The following ASTN1 variants were observed in gnomAD, a reference collection of about 807,000 sequenced individuals.
ASTN1 encodes astrotactin 1, also known as astrotactin-1.
ASTN1 carries 41 observed loss-of-function variants against 140.7 expected under a neutral mutation model. The observed-to-expected ratio is 0.29, with a 90% CI of 0.23 to 0.38. The LOEUF (loss-of-function observed/expected upper bound fraction) is 0.38. Among genes scored for constraint, ASTN1 ranks in the 10% least tolerant of loss-of-function variants. The pLI is 1.00. For synonymous variants in ASTN1, 640 were observed against 652.2 expected (o/e 0.98, Z 0.29); for missense variants, 1,479 against 1,678.8 (o/e 0.88, Z 2.08).
intron 1 of ASTN1, among the ~76,000 whole-genome samples, chr1:177,132,938 T>C (rs1682011056): frequency 6.6e-6 from 1 of 152,188 alleles, no homozygotes; most frequent in Non-Finnish European, 1.5e-5. Context: ...ATATTGGTGG[T>C]TTCCCTCTCC....
At chr1:177,011,383 G>A (rs1675281530) in intron 8 of ASTN1, among the ~76,000 whole-genome samples, 1 of 152,008 alleles carries the variant, frequency 6.6e-6, no homozygotes, top group South Asian at 2.1e-4. Flanking sequence ...AACTGTCTAC[G>A]TAGACTGTTA....
chr1:176,902,905 T>C (rs905634768), intron 16 of ASTN1, among the ~76,000 whole-genome samples: 1 of 152,158 alleles, frequency 6.6e-6, no homozygotes, highest in Non-Finnish European at 1.5e-5. Context: ...AAGAATTAAA[T>C]CCAAGAACTG....
intron 16 of ASTN1, among the ~76,000 whole-genome samples, chr1:176,920,137 G>A (rs914833754): frequency 6.6e-6 from 1 of 152,158 alleles, no homozygotes; most frequent in African/African-American, 2.4e-5. Context: ...TAAATGAGTG[G>A]AATGGTGCTC....
In ASTN1 at chr1:177,032,498, G is replaced by A. The variant is rs11587640; in HGVS notation, c.823C>T (p.Leu275=). The A allele has an allele frequency of 4.3e-6, 7 of 1,613,988 alleles. No homozygotes were observed. In the Admixed American group the frequency reaches 6.7e-5, roughly 15 times the overall value. Residue 275 remains leucine, a synonymous_variant, in exon 3 of 23, where the codon CTG becomes TTG. Transcript: ENST00000361833. ...ASQVTRTLDS[L]QGCNEKSGMD... The stretch of plus-strand genomic sequence containing the variant: ...CCCGACTTTTCATTGCAGCCCTGCA[G>A]GGAGTCGAGGGTGCGCGTGACCTGG...
At chr1:176,857,838 G>A (rs569077572), downstream of ASTN1, among the ~76,000 whole-genome samples, 5 of 152,274 alleles carry the variant, frequency 3.3e-5, no homozygotes, top group African/African-American at 1.2e-4. Flanking sequence ...GGCACATTCA[G>A]CCTTAGTTTT....
intron 20 of ASTN1, among the ~76,000 whole-genome samples, chr1:176,880,210 G>A (rs1668739037): frequency 6.6e-6 from 1 of 152,132 alleles, no homozygotes; most frequent in Non-Finnish European, 1.5e-5. Context: ...GTGTGAGTGC[G>A]CACCGACACA....
chr1:177,150,709 T>G (rs192999448), intron 1 of ASTN1, among the ~76,000 whole-genome samples: 2 of 152,158 alleles, frequency 1.3e-5, no homozygotes, highest in Non-Finnish European at 2.9e-5. Flanking sequence ...TAAAATGGAG[T>G]TATGAAGGCG....
chr1:176,962,791 AT>A (rs1419497454), intron 9 of ASTN1, among the ~76,000 whole-genome samples: 18 of 152,206 alleles, frequency 1.2e-4, no homozygotes, highest in Admixed American at 2.6e-4. Flanking sequence ...ATCATCGGTC[AT>A]TTTTAAAGCA....
chr1:176,886,020 A>G lies in ASTN1; in HGVS notation c.3075-1530T>C, dbSNP rs967490106. 5.9e-5 allele frequency among the ~76,000 whole-genome samples: 9 copies of G among 152,248 alleles called. No homozygotes were observed. The East Asian group carries it at 1.7e-3, about 29-fold the overall frequency. On this transcript the variant is annotated intron_variant, in intron 18 of 22. Coordinates refer to ENST00000361833, the MANE Select transcript of ASTN1 (RefSeq NM_004319.3). ...TGACAAATTCATTAATTAGAGTCAT[A>G]TGCAGAGTGCTGTTTTGAAAAAAAA...
chr1:177,033,257 G>A (rs1051542021), intron 2 of ASTN1, among the ~76,000 whole-genome samples: 1 of 151,868 alleles, frequency 6.6e-6, no homozygotes, highest in Non-Finnish European at 1.5e-5. Flanking sequence ...TTAGCAATAT[G>A]GGGTGACATC....
intron 1 of ASTN1, among the ~76,000 whole-genome samples, chr1:177,133,304 A>T (rs1220664790): frequency 1.3e-5 from 2 of 152,260 alleles, no homozygotes; most frequent in African/African-American, 2.4e-5. Flanking sequence ...AGTCACTCAC[A>T]GACTGAATTC....
At chr1:177,140,787 T>C (rs1371946968) in intron 1 of ASTN1, among the ~76,000 whole-genome samples, 1 of 152,232 alleles carries the variant, frequency 6.6e-6, no homozygotes, top group Non-Finnish European at 1.5e-5. Flanking sequence ...TTCTGAGACC[T>C]CATAGTCCTC....
At chr1:177,041,048 G>A (rs1676946388) in intron 2 of ASTN1, among the ~76,000 whole-genome samples, 2 of 152,200 alleles carry the variant, frequency 1.3e-5, no homozygotes, top group Admixed American at 1.3e-4. Flanking sequence ...AGTAGCTACA[G>A]TTACCTGTTG....
Position 177,116,783 on chromosome 1 carries a change from G to A in ASTN1, c.283+47611C>T, listed in dbSNP as rs548363278. ...AACACTCTGTTCCTTTGACTCATTT[G>A]ACCCTTGCTCTCCTAATTTTAATCC... On this transcript the variant is annotated intron_variant, in intron 1 of 22. Transcript: ENST00000361833. 3.1e-4 allele frequency among the ~76,000 whole-genome samples: 47 copies of A among 152,074 alleles called. 1 individual carries two copies. Among genetic ancestry groups the A allele is most frequent in the Non-Finnish European group, 5.9e-4 (40 of 68,024 alleles).
intron 1 of ASTN1, among the ~76,000 whole-genome samples, chr1:177,146,328 C>G (rs181750424): frequency 6.6e-6 from 1 of 152,284 alleles, no homozygotes; most frequent in Admixed American, 6.5e-5. Context: ...ATAGCCACCT[C>G]AGATAATTAT....
At chr1:177,002,408 CACACACACAT>C (rs774162358) in intron 8 of ASTN1, among the ~76,000 whole-genome samples, 89 of 117,482 alleles carry the variant, frequency 7.6e-4, no homozygotes, top group African/African-American at 3.8e-4. Context: ...CACACACACA[CACACACACAT>C]GAACAAATCA....
At chr1:177,017,404 G>A (rs1323603551) in intron 7 of ASTN1, among the ~76,000 whole-genome samples, 1 of 152,188 alleles carries the variant, frequency 6.6e-6, no homozygotes, top group East Asian at 1.9e-4. Flanking sequence ...CACAAAACCA[G>A]TTTGGCCATC....
At position 176,868,891 on chromosome 1, in the gene ASTN1, C is replaced by T. The variant is rs773495407; in HGVS notation, c.3600G>A (p.Glu1200=). The part of the protein sequence containing the change: ...RVLYHYNQHY[E]SFGEFTWRCE... ...ATCGCCAGGTGAATTCCCCAAAACT[C>T]TCATAGTGCTGGTTATAGTGGTAGA... Residue 1200 remains glutamate (E), a synonymous_variant, in exon 22 of 23, where the codon GAG becomes GAA. Coordinates refer to ENST00000361833, the MANE Select transcript of ASTN1 (RefSeq NM_004319.3). 1.9e-6 allele frequency: 3 copies of T among 1,609,986 alleles called. No individual in the cohort carries two copies. The highest frequency in any genetic ancestry group is 1.7e-5 in the Admixed American group (1 of 59,812).
At chr1:176,911,929 G>T (rs113360673) in intron 16 of ASTN1, among the ~76,000 whole-genome samples, 255 of 152,300 alleles carry the variant, frequency 1.7e-3, no homozygotes, top group African/African-American at 5.7e-3. Flanking sequence ...TGAGAGTGAC[G>T]CATGATGCTG....
Sources: allele counts gnomAD v4.1 joint callset (sites outside exome capture counted in the v4.1 genomes callset), GRCh38; gene constraint gnomAD v4.1.1; transcripts MANE v1.5; gene names NCBI Gene and HGNC (gene_info 2026-07-23, HGNC 2026-07-21).